CLVS1: variants seen among roughly 807,000 people sequenced by gnomAD.
The protein encoded by CLVS1 is clavesin 1.
Under a neutral mutation model 33.1 loss-of-function variants are expected in CLVS1, and 10 were observed. That is an observed-to-expected ratio of 0.30 (90% CI 0.19 to 0.51). The LOEUF is 0.51. Ranked by LOEUF, CLVS1 falls within the 20% of genes least tolerant of loss-of-function variation. The pLI, the probability that CLVS1 is intolerant of heterozygous loss-of-function variation, is 0.97. For missense variants in CLVS1, 343 were observed against 433.4 expected, an observed-to-expected ratio of 0.79 and a Z score of 1.85; for synonymous variants, 163 against 166.1, an observed-to-expected ratio of 0.98 and a Z score of 0.14.
At chr8:61,468,226 T>C (rs549613997) in intron 5 of CLVS1, among the ~76,000 whole-genome samples, 1 of 152,288 alleles carries the variant, frequency 6.6e-6, no homozygotes, top group African/African-American at 2.4e-5. Flanking sequence ...GTCTTGGGGA[T>C]TTTTCTGTGC....
intron 1 of CLVS1, among the ~76,000 whole-genome samples, chr8:61,096,742 C>T (rs1006784316): frequency 6.6e-6 from 1 of 152,144 alleles, no homozygotes; most frequent in African/African-American, 2.4e-5. Flanking sequence ...CAGATTCCCT[C>T]TCTCACAGGA....
At chr8:61,442,875 A>T (rs1221504601) in intron 3 of CLVS1, among the ~76,000 whole-genome samples, 2 of 152,054 alleles carry the variant, frequency 1.3e-5, no homozygotes, top group East Asian at 3.9e-4. Context: ...TGGGATTATA[A>T]GGCATGAGCC....
At chr8:61,303,068 G>A (rs555578600) in intron 2 of CLVS1, among the ~76,000 whole-genome samples, 2 of 152,172 alleles carry the variant, frequency 1.3e-5, no homozygotes, top group South Asian at 4.1e-4. Context: ...TTTGGTTGGG[G>A]ACATGGAGCC....
intron 1 of CLVS1, among the ~76,000 whole-genome samples, chr8:61,129,431 G>A (rs558653766): frequency 6.6e-6 from 1 of 152,320 alleles, no homozygotes; most frequent in African/African-American, 2.4e-5. Context: ...TGCATTTACT[G>A]CTTCTTCTTT....
intron 4 of CLVS1, among the ~76,000 whole-genome samples, chr8:61,455,440 T>A (rs1464935416): frequency 6.6e-6 from 1 of 152,156 alleles, no homozygotes; most frequent in Non-Finnish European, 1.5e-5. Flanking sequence ...ATTCCACATA[T>A]AAGTGTGATC....
intron 2 of CLVS1, among the ~76,000 whole-genome samples, chr8:61,183,817 A>G (rs1473137182): frequency 6.6e-6 from 1 of 152,230 alleles, no homozygotes; most frequent in Non-Finnish European, 1.5e-5. Context: ...AGCCACTCAC[A>G]GCTATCTTTC....
intron 5 of CLVS1, among the ~76,000 whole-genome samples, chr8:61,494,016 G>C (rs748183629): frequency 6.6e-6 from 1 of 152,098 alleles, no homozygotes; most frequent in Non-Finnish European, 1.5e-5. Context: ...AAGAAGAAAA[G>C]GTGAGTGTTA....
At chr8:61,456,729 T>A (rs7831092) in intron 4 of CLVS1, among the ~76,000 whole-genome samples, 125,408 of 151,696 alleles carry the variant, frequency 0.83, 52,037 homozygotes, top group Non-Finnish European at 0.86. Flanking sequence ...ATCCTGGCTA[T>A]CACGGTGAAA....
intron 3 of CLVS1, among the ~76,000 whole-genome samples, chr8:61,408,717 A>G (rs1349736046): frequency 6.6e-6 from 1 of 152,108 alleles, no homozygotes; most frequent in Non-Finnish European, 1.5e-5. Context: ...AATACCTGGA[A>G]CTCCCAGTGC....
At chr8:61,059,475 CATATATATATATATAT>C (rs56322834) in intron 1 of CLVS1, among the ~76,000 whole-genome samples, 3 of 50,206 alleles carry the variant, frequency 6.0e-5, no homozygotes, top group East Asian at 1.2e-3. Flanking sequence ...TACATACATA[CATATATATATATATAT>C]ATATATATAC....
At chr8:61,355,842 T>C (rs1444172976) in intron 2 of CLVS1, among the ~76,000 whole-genome samples, 2 of 152,156 alleles carry the variant, frequency 1.3e-5, no homozygotes, top group Non-Finnish European at 2.9e-5. Flanking sequence ...GTTCCAAGTT[T>C]TTGCTATTGT....
At chr8:61,309,299 G>T (rs529545777) in intron 2 of CLVS1, among the ~76,000 whole-genome samples, 50 of 152,308 alleles carry the variant, frequency 3.3e-4, no homozygotes, top group African/African-American at 1.2e-3. Context: ...ATGAATCCGA[G>T]TCTCCATTCC....
intron 2 of CLVS1, among the ~76,000 whole-genome samples, chr8:61,317,708 CA>C (rs1811060522): frequency 6.6e-6 from 1 of 152,012 alleles, no homozygotes; most frequent in South Asian, 2.1e-4. Context: ...ATGTTATTTC[CA>C]AAATGTTAAT....
chr8:61,179,639 A>G (rs1459506681), intron 2 of CLVS1, among the ~76,000 whole-genome samples: 3 of 152,192 alleles, frequency 2.0e-5, no homozygotes, highest in African/African-American at 4.8e-5. Context: ...AATAACAAAC[A>G]GTGTCTCAGA....
intron 3 of CLVS1, among the ~76,000 whole-genome samples, chr8:61,453,069 T>C (rs1479027679): frequency 2.0e-5 from 3 of 148,034 alleles, no homozygotes. Flanking sequence ...CCCTCGGCTT[T>C]CATCTCATCT....
At chr8:61,111,463 A>G (rs1224649344) in intron 1 of CLVS1, among the ~76,000 whole-genome samples, 1 of 152,226 alleles carries the variant, frequency 6.6e-6, no homozygotes, top group Non-Finnish European at 1.5e-5. Flanking sequence ...GGACAAAATA[A>G]TTGGGAATGG....
Position 61,288,070 on chromosome 8 carries a change from C to A in CLVS1, c.-220C>A. On this transcript the variant is annotated 5_prime_UTR_variant, in exon 1 of 6. Coordinates refer to ENST00000325897, the MANE Select transcript of CLVS1 (RefSeq NM_173519.3). ...ACCTGCCAGAATAGGGGATCTCACC[C>A]ACCCAGTTCAGCAGCGAGGACACCT... 1 of 455,898 alleles carries A rather than the reference C, an allele frequency of 2.2e-6. No individual in the cohort carries two copies. Among genetic ancestry groups the A allele is most frequent in the Non-Finnish European group, 4.4e-6 (1 of 226,742 alleles). The allele number at this position is 455,898 out of a possible 1,614,324, so 28.2% of individuals were successfully genotyped here. A position where few individuals can be genotyped will look rare whatever the true frequency, so the allele number is the denominator to read the frequency against.
In CLVS1 at chr8:61,303,569, A is replaced by G. The variant is rs563040368; in HGVS notation, c.455+3287A>G. On this transcript the variant is annotated intron_variant, in intron 2 of 5. Coordinates refer to ENST00000325897, the MANE Select transcript of CLVS1 (RefSeq NM_173519.3). ...CTCCACATTTTTCAAACTGTGCAAT[A>G]TTATTTGTCCCAGACCATTATGGTT... Among the ~76,000 whole-genome samples the G allele has an allele frequency of 3.3e-5, 5 of 152,328 alleles. No homozygotes were observed. In the South Asian group the frequency reaches 1.0e-3, roughly 32 times the overall value.
At chr8:61,140,631 C>T (rs1806290650) in intron 2 of CLVS1, among the ~76,000 whole-genome samples, 1 of 152,150 alleles carries the variant, frequency 6.6e-6, no homozygotes, top group African/African-American at 2.4e-5. Context: ...GGCGCGATCT[C>T]GGCTCACTGG....
Sources: allele counts gnomAD v4.1 joint callset (sites outside exome capture counted in the v4.1 genomes callset), GRCh38; gene constraint gnomAD v4.1.1; transcripts MANE v1.5; gene names NCBI Gene and HGNC (gene_info 2026-07-23, HGNC 2026-07-21).